CLIC5: variants seen among roughly 807,000 people sequenced by gnomAD.
CLIC5 encodes the protein CLIC family member 5, also known as chloride intracellular channel protein 5.
Under a neutral mutation model 24.7 loss-of-function variants are expected in CLIC5, and 20 were observed. That is an observed-to-expected ratio of 0.81 (90% confidence interval 0.57 to 1.18). The LOEUF (loss-of-function observed/expected upper bound fraction) is 1.18. CLIC5 is among the 50% of genes most tolerant of loss of function. The pLI, the probability that CLIC5 is intolerant of heterozygous loss-of-function variation, is 0.00. For synonymous variants in CLIC5, 159 were observed against 135.6 expected, an observed-to-expected ratio of 1.17 and a Z score of -1.20; for missense variants, 341 against 326.1, an observed-to-expected ratio of 1.05 and a Z score of -0.35.
chr6:46,077,507 A>G (rs1003777988), intron 1 of CLIC5, among the ~76,000 whole-genome samples: 1 of 152,022 alleles, frequency 6.6e-6, no homozygotes, highest in Admixed American at 6.6e-5. Context: ...GGTCACACTC[A>G]CACCCTACAG....
the CLIC5 span, among the ~76,000 whole-genome samples, chr6:46,110,182 C>T: frequency 2.6e-5 from 4 of 152,208 alleles, no homozygotes; most frequent in East Asian, 5.8e-4. Flanking sequence ...GTAGATCATA[C>T]GCCTGACCTT....
At chr6:45,964,805 TA>T (rs1419766001) in intron 1 of CLIC5, among the ~76,000 whole-genome samples, 1 of 152,246 alleles carries the variant, frequency 6.6e-6, no homozygotes, top group East Asian at 1.9e-4. Context: ...TGTTATTGTT[TA>T]AAACCACTAA....
intron 2 of CLIC5, among the ~76,000 whole-genome samples, chr6:45,952,753 A>G (rs534174758): frequency 2.2e-4 from 34 of 152,168 alleles, no homozygotes; most frequent in Non-Finnish European, 4.6e-4. Context: ...GAGGAACCAA[A>G]CCATCTGAAG....
chr6:46,006,992 C>G (rs1766610382), intron 1 of CLIC5, among the ~76,000 whole-genome samples: 1 of 152,136 alleles, frequency 6.6e-6, no homozygotes, highest in African/African-American at 2.4e-5. Context: ...TTTTTTAAAG[C>G]AAGTCCTTAT....
At chr6:45,983,295 A>C (rs2127416150) in intron 1 of CLIC5, among the ~76,000 whole-genome samples, 1 of 152,312 alleles carries the variant, frequency 6.6e-6, no homozygotes, top group African/African-American at 2.4e-5. Flanking sequence ...AAATGCATAT[A>C]TTCTGGGACA....
At chr6:45,881,799 C>A (rs952422394) in intron 6 of CLIC5, among the ~76,000 whole-genome samples, 1 of 152,126 alleles carries the variant, frequency 6.6e-6, no homozygotes, top group East Asian at 1.9e-4. Context: ...CCTTCCACCC[C>A]AGGCTGCCCT....
chr6:46,029,597 C>T (rs899059631), intron 1 of CLIC5, among the ~76,000 whole-genome samples: 1 of 152,112 alleles, frequency 6.6e-6, no homozygotes, highest in Non-Finnish European at 1.5e-5. Context: ...TAACAAGAAA[C>T]TAATTCATGA....
intron 5 of CLIC5, among the ~76,000 whole-genome samples, chr6:45,907,638 G>A (rs140406914): frequency 1.3e-5 from 2 of 152,094 alleles, no homozygotes; most frequent in Non-Finnish European, 2.9e-5. Flanking sequence ...ATTCAGCTGT[G>A]AATCCACCTA....
chr6:45,974,514 TATATATATAGAGAGAGAGAG>T (rs1765315967), intron 1 of CLIC5, among the ~76,000 whole-genome samples: 4 of 92,608 alleles, frequency 4.3e-5, no homozygotes, highest in South Asian at 1.0e-3. Context: ...TATATATATA[TATATATATAGAGAGAGAGAG>T]AGAGAGAGAG....
Position 45,900,262 on chromosome 6 carries a change from A to G in CLIC5, c.*2826T>C, listed in dbSNP as rs1762476338. 1 of 152,156 alleles carries G rather than the reference A, an allele frequency of 6.6e-6. No homozygotes were observed. The highest frequency in any genetic ancestry group is 1.5e-5 in the Non-Finnish European group (1 of 68,040). 9.4% of individuals were successfully genotyped at this position (152,156 alleles called of 1,614,324 possible). ...AAAGAAGATAAATAAATACAAAATA[A>G]AATAAGATCTCAACACAAATACATC... On this transcript the variant is annotated 3_prime_UTR_variant, in exon 6 of 6. Coordinates refer to ENST00000339561, the MANE Select transcript of CLIC5 (RefSeq NM_016929.5).
chr6:45,919,303 A>T (rs1346574666), intron 4 of CLIC5, among the ~76,000 whole-genome samples: 3 of 152,072 alleles, frequency 2.0e-5, no homozygotes, highest in Non-Finnish European at 4.4e-5. Context: ...TCTGGAATCT[A>T]TGGGTGGAAG....
chr6:46,090,677 A>T, the CLIC5 span, among the ~76,000 whole-genome samples: 1 of 152,260 alleles, frequency 6.6e-6, no homozygotes, highest in African/African-American at 2.4e-5. Flanking sequence ...GCCACTTAAC[A>T]TACGTATTAA....
At chr6:46,017,725 A>G (rs6921518), upstream of CLIC5, among the ~76,000 whole-genome samples, 10,736 of 152,340 alleles carry the variant, frequency 0.07, 444 homozygotes, top group Middle Eastern at 0.12. Context: ...ACGTAAAGAT[A>G]CTATTTACCA....
intron 1 of CLIC5, among the ~76,000 whole-genome samples, chr6:46,064,100 G>A (rs1211052829): frequency 6.6e-6 from 1 of 151,784 alleles, no homozygotes; most frequent in Non-Finnish European, 1.5e-5. Context: ...AGTATATAAG[G>A]ACATTAAAAC....
intron 1 of CLIC5, among the ~76,000 whole-genome samples, chr6:46,068,986 C>A (rs112027324): frequency 6.6e-6 from 1 of 152,124 alleles, no homozygotes; most frequent in African/African-American, 2.4e-5. Context: ...AGTGCAGAGC[C>A]AACACAGCCC....
At chr6:46,100,411 CCT>C in the CLIC5 span, among the ~76,000 whole-genome samples, 32 of 152,184 alleles carry the variant, frequency 2.1e-4, no homozygotes, top group African/African-American at 7.7e-4. Context: ...CCAGCAGCTC[CCT>C]GACTTTGCCC....
chr6:46,030,204 T>A (rs1767459149), intron 1 of CLIC5, among the ~76,000 whole-genome samples: 1 of 152,118 alleles, frequency 6.6e-6, no homozygotes. Context: ...CTTCCCCAAA[T>A]CCTGTCCATA....
intron 1 of CLIC5, among the ~76,000 whole-genome samples, chr6:46,053,961 A>G (rs943805447): frequency 1.3e-5 from 2 of 152,216 alleles, no homozygotes; most frequent in African/African-American, 4.8e-5. Flanking sequence ...GAAACTGTCC[A>G]AAGTTATTTT....
At chr6:45,952,677 G>C (rs1243818024) in intron 2 of CLIC5, among the ~76,000 whole-genome samples, 1 of 152,192 alleles carries the variant, frequency 6.6e-6, no homozygotes, top group Admixed American at 6.5e-5. Context: ...TGTAAAAATG[G>C]AGTGGTGCTA....
Sources: allele counts gnomAD v4.1 joint callset (sites outside exome capture counted in the v4.1 genomes callset), GRCh38; gene constraint gnomAD v4.1.1; transcripts MANE v1.5; gene names NCBI Gene and HGNC (gene_info 2026-07-23, HGNC 2026-07-21).